The following ATP6V1A variants were observed in gnomAD, a reference collection of about 807,000 sequenced individuals.
The protein encoded by ATP6V1A is V-type proton ATPase catalytic subunit A.
ATP6V1A carries 18 observed loss-of-function variants against 70.1 expected under a neutral mutation model. That is an observed-to-expected ratio of 0.26 (90% confidence interval 0.18 to 0.38). The LOEUF (loss-of-function observed/expected upper bound fraction) is 0.38, where lower values mean the gene tolerates loss of function less well. Ranked by LOEUF, ATP6V1A falls within the 10% of genes least tolerant of loss-of-function variation. The pLI, the probability that ATP6V1A is intolerant of heterozygous loss-of-function variation, is 1.00. For missense variants in ATP6V1A, 424 were observed against 772.4 expected (o/e 0.55, Z 5.35); for synonymous variants, 232 against 253.8 (o/e 0.91, Z 0.82).
intron 8 of ATP6V1A, among the ~76,000 whole-genome samples, chr3:113,792,152 C>T (rs919937617): frequency 9.2e-5 from 14 of 152,158 alleles, no homozygotes; most frequent in Admixed American, 2.0e-4. Context: ...TTTAAGAAAG[C>T]TACCTTATTC....
At chr3:113,782,470 T>C (rs1007475604) in intron 3 of ATP6V1A, among the ~76,000 whole-genome samples, 2 of 151,016 alleles carry the variant, frequency 1.3e-5, no homozygotes, top group East Asian at 3.9e-4. Flanking sequence ...TATATCCTTC[T>C]AGTTTAGTAA....
Position 113,810,282 on chromosome 3 carries a change from T to G in ATP6V1A, c.*855T>G, listed in dbSNP as rs1446143417. ...GTCTCGAACTCCAGACCTCAGGTGA[T>G]CCGCCCACCTCGGCCTCCCAAACTG... On this transcript the variant is annotated 3_prime_UTR_variant, in exon 15 of 15. Transcript: ENST00000273398. 1 of 152,190 alleles carries G rather than the reference T, an allele frequency of 6.6e-6. No individual in the cohort carries two copies. 9.4% of individuals were successfully genotyped at this position (152,190 alleles called of 1,614,324 possible).
chr3:113,806,539 A>G (rs1709277817), intron 14 of ATP6V1A, among the ~76,000 whole-genome samples: 1 of 151,572 alleles, frequency 6.6e-6, no homozygotes, highest in African/African-American at 2.4e-5. Context: ...GCTCACTGCA[A>G]CCTCCACCTC....
chr3:113,809,546 C>A lies in ATP6V1A; in HGVS notation c.*119C>A. The A allele has an allele frequency of 1.3e-6, 1 of 799,844 alleles. No homozygotes were observed. The highest frequency in any genetic ancestry group is 2.0e-6 in the Non-Finnish European group (1 of 506,794). 49.5% of individuals were successfully genotyped at this position (799,844 alleles called of 1,614,324 possible). A position where few individuals can be genotyped will look rare whatever the true frequency, so the allele number is the denominator to read the frequency against. On this transcript the variant is annotated 3_prime_UTR_variant, in exon 15 of 15. Coordinates refer to ENST00000273398, the MANE Select transcript of ATP6V1A (RefSeq NM_001690.4). ...TTATTGTGCAGCTTTGAGACTAGTG[C>A]CTATGTGTGTTATTTGTTTCCCTGT... is the stretch of plus-strand genomic sequence containing the variant.
intron 8 of ATP6V1A, among the ~76,000 whole-genome samples, chr3:113,794,137 AT>A (rs1559758868): frequency 6.6e-6 from 1 of 152,202 alleles, no homozygotes; most frequent in Non-Finnish European, 1.5e-5. Context: ...TACTGTCTAA[AT>A]TTACAGGATA....
chr3:113,800,538 A>T (rs1709199774), intron 12 of ATP6V1A, among the ~76,000 whole-genome samples: 1 of 152,218 alleles, frequency 6.6e-6, no homozygotes, highest in Non-Finnish European at 1.5e-5. Context: ...TCAGTCTGTG[A>T]TAGAAAACTG....
At chr3:113,769,207 T>G (rs1289719091) in intron 1 of ATP6V1A, among the ~76,000 whole-genome samples, 1 of 152,222 alleles carries the variant, frequency 6.6e-6, no homozygotes, top group Non-Finnish European at 1.5e-5. Context: ...AAAAGTATGA[T>G]CAGGTAATGT....
intron 11 of ATP6V1A, among the ~76,000 whole-genome samples, chr3:113,797,008 T>A (rs922958754): frequency 3.3e-5 from 5 of 152,214 alleles, no homozygotes; most frequent in African/African-American, 1.2e-4. Context: ...CAAACTTAGC[T>A]CACTGCAACC....
intron 12 of ATP6V1A, among the ~76,000 whole-genome samples, chr3:113,799,054 T>TAA (rs553599706): frequency 6.6e-6 from 1 of 152,098 alleles, no homozygotes; most frequent in South Asian, 2.1e-4. Flanking sequence ...ATTTATAGAA[T>TAA]AAAAATATTC....
At chr3:113,795,277 T>G in intron 10 of ATP6V1A, 73 bp downstream of exon 10, 1 of 1,481,344 alleles carries the variant, frequency 6.8e-7, no homozygotes, top group Non-Finnish European at 9.2e-7. Flanking sequence ...AAAAAGTCAC[T>G]TATTTTAAAG....
At position 113,784,388 on chromosome 3, in the gene ATP6V1A, G is replaced by C. The variant is rs992691558; in HGVS notation, c.376G>C (p.Ala126Pro). The change falls in exon 4 of 15, where the codon GCT becomes CCT. Residue 126 changes from alanine (A) to proline (P), a missense_variant. This residue lies in a region of ATP6V1A where 139 missense variants were observed against 163.5 expected (regional missense o/e 0.85). Coordinates refer to ENST00000273398, the MANE Select transcript of ATP6V1A (RefSeq NM_001690.4). ...CATCCCCAGAGGAGTAAACGTGTCT[G>C]CTCTTAGCAGAGATATCAAATGGGA... is the stretch of plus-strand genomic sequence containing the variant. ...IYIPRGVNVS[A>P]LSRDIKWDFT... The C allele has an allele frequency of 6.2e-7, 1 of 1,614,152 alleles. No individual in the cohort carries two copies.
chr3:113,752,702 A>G (rs1168554175), intron 1 of ATP6V1A, among the ~76,000 whole-genome samples: 1 of 152,086 alleles, frequency 6.6e-6, no homozygotes, highest in Non-Finnish European at 1.5e-5. Context: ...ATCTCAGTAT[A>G]TAAGATAATT....
intron 1 of ATP6V1A, 31 bp from the exon 2 acceptor site, chr3:113,778,710 T>G: frequency 7.4e-7 from 1 of 1,354,354 alleles, no homozygotes. Context: ...GGTTTATAAT[T>G]ATAACTTATT....
chr3:113,787,171 G>A (rs936546824), intron 6 of ATP6V1A, among the ~76,000 whole-genome samples: 1 of 152,170 alleles, frequency 6.6e-6, no homozygotes, highest in Admixed American at 6.5e-5. Context: ...AAAGAAAATA[G>A]TACAGAATGT....
intron 1 of ATP6V1A, among the ~76,000 whole-genome samples, chr3:113,757,163 C>T (rs1319512159): frequency 1.3e-5 from 2 of 152,116 alleles, no homozygotes; most frequent in African/African-American, 2.4e-5. Context: ...CAGGTCCCAA[C>T]GTAGTATACC....
intron 3 of ATP6V1A, among the ~76,000 whole-genome samples, chr3:113,783,136 T>TAA: frequency 6.6e-6 from 1 of 152,126 alleles, no homozygotes; most frequent in Non-Finnish European, 1.5e-5. Context: ...CTCTGGTTCT[T>TAA]TTTTTTACAG....
intron 14 of ATP6V1A, among the ~76,000 whole-genome samples, chr3:113,806,091 G>C (rs544783089): frequency 3.9e-5 from 6 of 152,088 alleles, no homozygotes; most frequent in African/African-American, 1.4e-4. Context: ...TGGGCAACAT[G>C]TCGAAATCCC....
intron 12 of ATP6V1A, among the ~76,000 whole-genome samples, chr3:113,799,178 G>C (rs2108041288): frequency 6.6e-6 from 1 of 152,202 alleles, no homozygotes; most frequent in East Asian, 1.9e-4. Context: ...AGGTATGAAT[G>C]TAGATACTTA....
At chr3:113,758,563 T>G (rs922761226) in intron 1 of ATP6V1A, among the ~76,000 whole-genome samples, 1 of 152,258 alleles carries the variant, frequency 6.6e-6, no homozygotes, top group African/African-American at 2.4e-5. Flanking sequence ...ATACCATAGT[T>G]TGTTTATCCA....
Sources: allele counts gnomAD v4.1 joint callset (sites outside exome capture counted in the v4.1 genomes callset), GRCh38; gene constraint gnomAD v4.1.1; regional missense constraint gnomAD v4.1.1; transcripts MANE v1.5; gene names NCBI Gene and HGNC (gene_info 2026-07-23, HGNC 2026-07-21).